MID1: variants seen among roughly 807,000 people sequenced by gnomAD.
MID1 encodes the protein E3 ubiquitin-protein ligase Midline-1.
MID1 carries 7 observed loss-of-function variants against 40.4 expected under a neutral mutation model. That is an observed-to-expected ratio of 0.17 (90% CI 0.10 to 0.33). The LOEUF is 0.33. MID1 is among the 10% of genes least tolerant of loss of function. The pLI is 1.00. For missense variants in MID1, 367 were observed against 558.5 expected, an observed-to-expected ratio of 0.66 and a Z score of 3.46; for synonymous variants, 229 against 221.2, an observed-to-expected ratio of 1.04 and a Z score of -0.31.
chrX:10,565,582 A>G, intron 2 of MID1: 1 of 316,455 alleles, frequency 3.2e-6, no homozygotes, highest in South Asian at 2.9e-5. Flanking sequence ...TTTTCCTGAG[A>G]GGAAGGACTT....
chrX:10,723,759 C>T (rs1228506247), intron 1 of MID1, among the ~76,000 whole-genome samples: 1 of 111,913 alleles, frequency 8.9e-6, no homozygotes, highest in Non-Finnish European at 1.9e-5. Context: ...TCACCGTGGT[C>T]TCGATCTCCT....
At chrX:10,713,177 A>T (rs935605872) in intron 1 of MID1, among the ~76,000 whole-genome samples, 3 of 111,868 alleles carry the variant, frequency 2.7e-5, no homozygotes, top group Admixed American at 9.5e-5. Context: ...ATGCTAATGC[A>T]TGCTCAAGTT....
intron 2 of MID1, among the ~76,000 whole-genome samples, chrX:10,548,903 T>G (rs1685232010): frequency 8.9e-6 from 1 of 112,123 alleles, no homozygotes; most frequent in African/African-American, 3.2e-5. Context: ...TATCTCCCCA[T>G]GAGTCATCAG....
intron 1 of MID1, among the ~76,000 whole-genome samples, chrX:10,756,126 T>C (rs999620646): frequency 4.5e-5 from 5 of 111,949 alleles, no homozygotes; most frequent in African/African-American, 1.6e-4. Context: ...TATGCACACA[T>C]ACAGCTTCAT....
intron 2 of MID1, among the ~76,000 whole-genome samples, chrX:10,565,016 A>G (rs1934474963): frequency 9.0e-6 from 1 of 110,941 alleles, no homozygotes; most frequent in African/African-American, 3.3e-5. Flanking sequence ...AAAAAAAAAA[A>G]AAAAAAAGAT....
chrX:10,624,393 G>T (rs1483865704), upstream of MID1, among the ~76,000 whole-genome samples: 15 of 111,614 alleles, frequency 1.3e-4, no homozygotes, highest in Admixed American at 1.4e-3. Flanking sequence ...TTCCTCACTA[G>T]AAAATTAAGG....
At chrX:10,528,353 TACACTTA>T (rs2070389458) in intron 2 of MID1, among the ~76,000 whole-genome samples, 2 of 112,375 alleles carry the variant, frequency 1.8e-5, no homozygotes, top group African/African-American at 6.5e-5. Flanking sequence ...TGATATGTTT[TACACTTA>T]TGACACATCT....
chrX:10,531,573 T>C (rs1283550790), intron 2 of MID1, among the ~76,000 whole-genome samples: 1 of 112,558 alleles, frequency 8.9e-6, no homozygotes, highest in Non-Finnish European at 1.9e-5. Context: ...GAAATTTCTA[T>C]ATTAACACCA....
chrX:10,485,994 C>T (rs1930594428), intron 4 of MID1, among the ~76,000 whole-genome samples: 1 of 111,921 alleles, frequency 8.9e-6, no homozygotes, highest in Non-Finnish European at 1.9e-5. Context: ...TGAACTCAAT[C>T]TGAATTTAGC....
Position 10,549,168 on chromosome X carries a change from C to T in MID1, c.660+17720G>A, listed in dbSNP as rs1421010012. ...GTAAATACCATCAAAATGCAGACCT[C>T]TCATAAAGACACAGATAATGAAAAT... On this transcript the variant is annotated intron_variant, in intron 2 of 9. Transcript: ENST00000317552. 4.4e-5 allele frequency among the ~76,000 whole-genome samples: 5 copies of T among 112,642 alleles called. No homozygotes were observed. The East Asian group carries it at 1.1e-3, about 25-fold the overall frequency.
intron 1 of MID1, among the ~76,000 whole-genome samples, chrX:10,759,121 C>T (rs936215990): frequency 1.8e-5 from 2 of 112,211 alleles, no homozygotes; most frequent in South Asian, 3.7e-4. Context: ...GCTATTATTA[C>T]GCACTGAAGG....
intron 5 of MID1, among the ~76,000 whole-genome samples, chrX:10,481,269 T>C (rs1930307584): frequency 8.9e-6 from 1 of 111,755 alleles, no homozygotes; most frequent in African/African-American, 3.3e-5. Flanking sequence ...TCAGCATGCA[T>C]GAGCTCTCTG....
chrX:10,510,440 T>A (rs1251572599), intron 3 of MID1, among the ~76,000 whole-genome samples: 1 of 111,970 alleles, frequency 8.9e-6, no homozygotes. Flanking sequence ...TTATAAGCAC[T>A]TCAAATGCTA....
chrX:10,806,142 T>C (rs1323044169), intron 1 of MID1, among the ~76,000 whole-genome samples: 1 of 109,599 alleles, frequency 9.1e-6, no homozygotes, highest in African/African-American at 3.3e-5. Flanking sequence ...CATGAAGTCC[T>C]TGCCCATGCC....
chrX:10,570,615 G>C (rs1934695016), intron 1 of MID1, among the ~76,000 whole-genome samples: 1 of 112,352 alleles, frequency 8.9e-6, no homozygotes, highest in African/African-American at 3.2e-5. Flanking sequence ...CACAGCCCTT[G>C]ACTTTAAGGA....
chrX:10,513,729 G>A (rs1264876473), intron 3 of MID1, among the ~76,000 whole-genome samples: 2 of 111,547 alleles, frequency 1.8e-5, no homozygotes, highest in African/African-American at 3.3e-5. Flanking sequence ...GGCTGGTCTC[G>A]AACTCCTGAC....
At chrX:10,783,174 T>C (rs1056994730) in intron 1 of MID1, among the ~76,000 whole-genome samples, 1 of 111,699 alleles carries the variant, frequency 9.0e-6, no homozygotes, top group Non-Finnish European at 1.9e-5. Flanking sequence ...AGTACAGTAA[T>C]GGGAGTTCTG....
At chrX:10,526,061 T>C (rs1324930776) in intron 2 of MID1, among the ~76,000 whole-genome samples, 2 of 112,303 alleles carry the variant, frequency 1.8e-5, no homozygotes, top group Non-Finnish European at 3.7e-5. Context: ...GTGTTCAAAC[T>C]TCAGAGGAAG....
At chrX:10,823,724 C>A (rs1162763100) in intron 1 of MID1, among the ~76,000 whole-genome samples, 1 of 110,067 alleles carries the variant, frequency 9.1e-6, no homozygotes, top group African/African-American at 3.3e-5. Flanking sequence ...TTGATAGTGA[C>A]CCCAGTAAAT....
Sources: allele counts gnomAD v4.1 joint callset (sites outside exome capture counted in the v4.1 genomes callset), GRCh38; gene constraint gnomAD v4.1.1; transcripts MANE v1.5; gene names NCBI Gene and HGNC (gene_info 2026-07-23, HGNC 2026-07-21).